Variants in CAST observed in about 807,000 individuals in gnomAD.
CAST encodes the protein MIR583 host.
A neutral mutation model predicts 119.6 loss-of-function variants in CAST; 76 were observed. The observed-to-expected ratio is 0.64, with a 90% CI of 0.53 to 0.77. CAST has a LOEUF of 0.77. Among genes scored for constraint, CAST ranks in the 30% least tolerant of loss-of-function variants. CAST has a pLI of 0.00. For missense variants in CAST, 953 were observed against 946.5 expected (o/e 1.01, Z -0.09); for synonymous variants, 319 against 331.6 (o/e 0.96, Z 0.41).
At chr5:96,114,472 A>G in the CAST span, among the ~76,000 whole-genome samples, 5 of 152,012 alleles carry the variant, frequency 3.3e-5, no homozygotes, top group Admixed American at 6.5e-5. Flanking sequence ...TTTGGTGAAT[A>G]TAGGAAACTC....
chr5:96,584,748 C>T (rs1193320810), intron 1 of CAST: 2 of 152,066 alleles, frequency 1.3e-5, no homozygotes, highest in Admixed American at 1.3e-4. Context: ...CTCAAACTTC[C>T]CAGGAGAAGG....
In CAST at chr5:96,599,975, A is replaced by AAAAAAAAAAAAAAAAAAAAAAAAAAG. The variant is rs762798506; in HGVS notation, c.60+70103_60+70104insAAAAAAAAAAAAAAAAAGAAAAAAAA. Among the ~76,000 whole-genome samples, 2 of 140,508 alleles carry AAAAAAAAAAAAAAAAAAAAAAAAAAG rather than the reference A, an allele frequency of 1.4e-5. 1 individual carries two copies. Among genetic ancestry groups the AAAAAAAAAAAAAAAAAAAAAAAAAAG allele is most frequent in the African/African-American group, 5.6e-5 (2 of 35,902 alleles). 92.2% of individuals were successfully genotyped at this position (140,508 alleles called of 152,430 possible). A position where few individuals can be genotyped will look rare whatever the true frequency, so the allele number is the denominator to read the frequency against. On this transcript the variant is annotated intron_variant, in intron 1 of 11. Coordinates refer to the CAST transcript ENST00000505143. ...TTATTGCTTCATTAGGCAAAAAAAA[A>AAAAAAAAAAAAAAAAAAAAAAAAAAG]AAAAAAAACCCTCAAGCTCTGTTGA...
At chr5:96,062,962 A>G in the CAST span, among the ~76,000 whole-genome samples, 1 of 152,086 alleles carries the variant, frequency 6.6e-6, no homozygotes, top group African/African-American at 2.4e-5. Flanking sequence ...AAAGCAATGC[A>G]CTGAGTATCA....
chr5:96,195,302 C>G, the CAST span, among the ~76,000 whole-genome samples: 1 of 152,166 alleles, frequency 6.6e-6, no homozygotes, highest in Non-Finnish European at 1.5e-5. Context: ...TATTTTCTAA[C>G]CCTGGCAAGG....
At chr5:96,597,875 C>A (rs1268400852) in intron 1 of CAST, among the ~76,000 whole-genome samples, 1 of 150,684 alleles carries the variant, frequency 6.6e-6, no homozygotes, top group Non-Finnish European at 1.5e-5. Context: ...CATTGAGTCA[C>A]CCCAGTGAGG....
At chr5:96,217,978 G>A in the CAST span, among the ~76,000 whole-genome samples, 6 of 152,152 alleles carry the variant, frequency 3.9e-5, no homozygotes, top group Non-Finnish European at 1.5e-5. Context: ...GAAAAGTTCA[G>A]AAAATAATAC....
chr5:96,577,659 G>A (rs1746699516), intron 1 of CAST, among the ~76,000 whole-genome samples: 1 of 151,954 alleles, frequency 6.6e-6, no homozygotes, highest in Non-Finnish European at 1.5e-5. Flanking sequence ...TTAGAAGCAT[G>A]TTATTTAGTT....
At chr5:96,283,142 A>AAAAAAG in the CAST span, among the ~76,000 whole-genome samples, 3 of 151,412 alleles carry the variant, frequency 2.0e-5, no homozygotes, top group African/African-American at 7.3e-5. Context: ...AAAAAAAAAA[A>AAAAAAG]AAAGAAAAAA....
At chr5:96,114,891 T>A in the CAST span, among the ~76,000 whole-genome samples, 1 of 152,216 alleles carries the variant, frequency 6.6e-6, no homozygotes, top group South Asian at 2.1e-4. Context: ...TGAGTCAGTT[T>A]GGATTCTTGT....
chr5:96,717,249 C>T (rs1757344636), intron 3 of CAST, among the ~76,000 whole-genome samples: 1 of 152,108 alleles, frequency 6.6e-6, no homozygotes, highest in African/African-American at 2.4e-5. Context: ...ATGCATGGTT[C>T]AGTGTTAAAG....
the CAST span, among the ~76,000 whole-genome samples, chr5:96,470,901 C>T: frequency 7.9e-5 from 12 of 152,006 alleles, no homozygotes; most frequent in South Asian, 2.1e-4. Context: ...ATCTAATATA[C>T]GCAGATGTTG....
At chr5:96,271,168 G>T in the CAST span, among the ~76,000 whole-genome samples, 1 of 152,094 alleles carries the variant, frequency 6.6e-6, no homozygotes, top group African/African-American at 2.4e-5. Flanking sequence ...TGTGTTCATG[G>T]TTTGCGAGAA....
chr5:96,270,492 C>A, the CAST span, among the ~76,000 whole-genome samples: 1 of 152,078 alleles, frequency 6.6e-6, no homozygotes, highest in Non-Finnish European at 1.5e-5. Context: ...CTTAGAAAAA[C>A]CTAAAGACTT....
At chr5:96,062,977 T>C in the CAST span, among the ~76,000 whole-genome samples, 5 of 152,092 alleles carry the variant, frequency 3.3e-5, no homozygotes. Context: ...GTATCAGTTG[T>C]GGTCTTGACA....
At chr5:96,373,147 C>CT in the CAST span, among the ~76,000 whole-genome samples, 1 of 152,194 alleles carries the variant, frequency 6.6e-6, no homozygotes, top group East Asian at 1.9e-4. Flanking sequence ...GCTGAACACT[C>CT]TGACAGCTGA....
intron 4 of CAST, among the ~76,000 whole-genome samples, chr5:96,724,988 C>G (rs2150414634): frequency 6.6e-6 from 1 of 152,226 alleles, no homozygotes; most frequent in South Asian, 2.1e-4. Flanking sequence ...TGCCTCAGCT[C>G]AAGGACCAAT....
the CAST span, among the ~76,000 whole-genome samples, chr5:96,330,374 G>A: frequency 2.6e-5 from 4 of 152,150 alleles, no homozygotes; most frequent in South Asian, 2.1e-4. Context: ...AAGGGAGAAG[G>A]TTCAGTGCCC....
the CAST span, among the ~76,000 whole-genome samples, chr5:95,997,562 A>G: frequency 9.9e-4 from 151 of 152,298 alleles, no homozygotes; most frequent in African/African-American, 3.6e-3. Flanking sequence ...ATTTGGCAAG[A>G]GAAGAGAAAG....
At chr5:96,468,860 G>A in the CAST span, among the ~76,000 whole-genome samples, 1 of 151,964 alleles carries the variant, frequency 6.6e-6, no homozygotes, top group East Asian at 1.9e-4. Context: ...CTTTCCACTG[G>A]CCTTCCACAG....
Sources: gnomAD v4.1 joint callset for allele counts (sites outside exome capture counted in the v4.1 genomes callset) on GRCh38, gnomAD v4.1.1 for gene constraint, MANE v1.5 for transcripts, NCBI Gene and HGNC (gene_info 2026-07-23, HGNC 2026-07-21) for gene names.